The following MRPS28 variants were observed in gnomAD, a reference collection of about 807,000 sequenced individuals.
MRPS28 encodes mitochondrial ribosomal protein S28.
Under a neutral mutation model 10.8 loss-of-function variants are expected in MRPS28, and 7 were observed. The observed-to-expected ratio is 0.65, with a 90% CI of 0.37 to 1.22. The LOEUF (loss-of-function observed/expected upper bound fraction) is 1.22. Among genes scored for constraint, MRPS28 ranks in the 50% most tolerant of loss-of-function variants. The probability of loss-of-function intolerance (pLI) is 0.02; values close to 1 mark genes in which losing one functional copy is unlikely to be tolerated. For missense variants in MRPS28, 265 were observed against 232.9 expected (o/e 1.14, Z -0.90); for synonymous variants, 121 against 93.3 (o/e 1.30, Z -1.71).
chr8:79,969,044 C>CATG (rs1807567661), intron 2 of MRPS28, among the ~76,000 whole-genome samples: 1 of 152,152 alleles, frequency 6.6e-6, no homozygotes, highest in South Asian at 2.1e-4. Flanking sequence ...AACAGTTGCT[C>CATG]AGACCCTAGC....
At chr8:80,028,938 CAG>C (rs1323519778) in intron 1 of MRPS28, 1 of 152,382 alleles carries the variant, frequency 6.6e-6, no homozygotes, top group Non-Finnish European at 1.5e-5. Context: ...GCGTGGGTGA[CAG>C]AGCGAGACCC....
chr8:80,029,762 T>G, intron 1 of MRPS28: 2 of 1,489,320 alleles, frequency 1.3e-6, no homozygotes, highest in Non-Finnish European at 1.8e-6. Context: ...GCTGGTTACC[T>G]TCCCACCAGC....
chr8:79,929,934 A>T (rs1184167219), intron 2 of MRPS28, among the ~76,000 whole-genome samples: 5 of 152,220 alleles, frequency 3.3e-5, no homozygotes, highest in Non-Finnish European at 7.4e-5. Context: ...GATTAAAAAA[A>T]GAGCAGTCAG....
At chr8:79,951,984 G>A (rs1302719927) in intron 2 of MRPS28, among the ~76,000 whole-genome samples, 1 of 152,144 alleles carries the variant, frequency 6.6e-6, no homozygotes, top group Non-Finnish European at 1.5e-5. Context: ...AACAGTTAAG[G>A]TAGAGTTTTC....
At chr8:79,960,681 T>C (rs1247128643) in intron 2 of MRPS28, among the ~76,000 whole-genome samples, 1 of 152,138 alleles carries the variant, frequency 6.6e-6, no homozygotes, top group Non-Finnish European at 1.5e-5. Flanking sequence ...AGAAGAATTC[T>C]ACATTTTAAT....
intron 2 of MRPS28, among the ~76,000 whole-genome samples, chr8:79,926,375 A>C (rs1810236428): frequency 1.3e-5 from 2 of 152,190 alleles, no homozygotes; most frequent in Non-Finnish European, 2.9e-5. Flanking sequence ...CAAGAAATCT[A>C]CCTTTTCTGG....
chr8:79,999,087 A>T (rs1398358078), intron 2 of MRPS28, among the ~76,000 whole-genome samples: 1 of 152,230 alleles, frequency 6.6e-6, no homozygotes, highest in African/African-American at 2.4e-5. Flanking sequence ...CTGATGAATG[A>T]TGAACAGATT....
chr8:80,026,457 A>ATAT (rs149041752), intron 1 of MRPS28, among the ~76,000 whole-genome samples: 2,159 of 152,340 alleles, frequency 0.014, 56 homozygotes, highest in African/African-American at 0.049. Flanking sequence ...AGTGACACAT[A>ATAT]TATTACAATT....
At position 79,920,352 on chromosome 8, in the gene MRPS28, T is replaced by A. The variant is rs898350972; in HGVS notation, c.396-1204A>T. Among the ~76,000 whole-genome samples the A allele has an allele frequency of 3.9e-5, 6 of 152,318 alleles. 1 individual carries two copies. Among genetic ancestry groups the A allele is most frequent in the Admixed American group, 6.5e-5 (1 of 15,300 alleles). The stretch of plus-strand genomic sequence containing the variant: ...AATGGTATTTCTAGTTCTAGATCCT[T>A]GAGGAATTGCCACACTGTCTTCCAC... On this transcript the variant is annotated intron_variant, in intron 2 of 2. Transcript: ENST00000276585.
At chr8:79,993,596 A>G (rs755791974) in intron 2 of MRPS28, among the ~76,000 whole-genome samples, 11 of 152,202 alleles carry the variant, frequency 7.2e-5, no homozygotes, top group Non-Finnish European at 1.3e-4. Flanking sequence ...ATATTTGAAC[A>G]TATTTTAAGG....
At chr8:79,997,463 A>G (rs2130141235) in intron 2 of MRPS28, among the ~76,000 whole-genome samples, 1 of 152,312 alleles carries the variant, frequency 6.6e-6, no homozygotes, top group South Asian at 2.1e-4. Flanking sequence ...GTGAAAGTAG[A>G]ACAAGAACAG....
rs905705017 is a variant in MRPS28 at position 79,937,478 on chromosome 8, T to TA, written c.396-18331dup. 5.3e-5 allele frequency among the ~76,000 whole-genome samples: 8 copies of TA among 152,276 alleles called. 1 individual carries two copies. Among genetic ancestry groups the TA allele is most frequent in the Admixed American group, 3.3e-4 (5 of 15,302 alleles). ...CAGCTCAAAAAGTTTCATGAAGATA[T>TA]AGCTATAGCTTAGTGATACTGATTT... On this transcript the variant is annotated intron_variant, in intron 2 of 2. Coordinates refer to ENST00000276585, the MANE Select transcript of MRPS28 (RefSeq NM_014018.3).
chr8:80,010,231 A>T (rs1018056414), intron 1 of MRPS28, among the ~76,000 whole-genome samples: 1 of 152,232 alleles, frequency 6.6e-6, no homozygotes, highest in Non-Finnish European at 1.5e-5. Context: ...AATTTGGTAC[A>T]AACTAAAGGA....
At chr8:79,945,862 A>C (rs1055453515) in intron 2 of MRPS28, among the ~76,000 whole-genome samples, 1 of 152,154 alleles carries the variant, frequency 6.6e-6, no homozygotes, top group African/African-American at 2.4e-5. Flanking sequence ...AAAAACAACT[A>C]ATATTTACTG....
chr8:79,964,576 T>A (rs528740668), intron 2 of MRPS28, among the ~76,000 whole-genome samples: 1 of 152,242 alleles, frequency 6.6e-6, no homozygotes. Context: ...GTTCCACCAA[T>A]TACTAGCTGT....
At chr8:79,978,380 A>C (rs367572698) in intron 2 of MRPS28, among the ~76,000 whole-genome samples, 4 of 152,318 alleles carry the variant, frequency 2.6e-5, no homozygotes, top group East Asian at 1.9e-4. Flanking sequence ...GTAGTTTAAA[A>C]CAACTAGGAA....
intron 1 of MRPS28, among the ~76,000 whole-genome samples, chr8:80,020,933 TTA>T (rs1809341074): frequency 6.6e-6 from 1 of 152,108 alleles, no homozygotes; most frequent in African/African-American, 2.4e-5. Flanking sequence ...CAAAATGTTT[TTA>T]TGTGTAAATG....
chr8:79,955,074 G>T (rs1281868882), intron 2 of MRPS28, among the ~76,000 whole-genome samples: 2 of 152,096 alleles, frequency 1.3e-5, no homozygotes, highest in African/African-American at 4.8e-5. Flanking sequence ...ACACCCTTAA[G>T]TTCTTTTTGT....
intron 2 of MRPS28, among the ~76,000 whole-genome samples, chr8:79,944,161 T>TG (rs1806840295): frequency 6.6e-6 from 1 of 152,226 alleles, no homozygotes; most frequent in Non-Finnish European, 1.5e-5. Context: ...TATGATCTGG[T>TG]TAAAAAGTAT....
Sources: gnomAD v4.1 joint callset for allele counts (sites outside exome capture counted in the v4.1 genomes callset) on GRCh38, gnomAD v4.1.1 for gene constraint, MANE v1.5 for transcripts, NCBI Gene and HGNC (gene_info 2026-07-23, HGNC 2026-07-21) for gene names.